ST7: variants seen among roughly 807,000 people sequenced by gnomAD.
ST7 encodes the protein suppressor of tumorigenicity 7 protein.
ST7 carries 28 observed loss-of-function variants against 78.7 expected under a neutral mutation model. That is an observed-to-expected ratio of 0.36 (90% CI 0.26 to 0.49). The LOEUF (loss-of-function observed/expected upper bound fraction) is 0.49. ST7 is among the 20% of genes least tolerant of loss of function. ST7 has a pLI of 0.99. For missense variants in ST7, 418 were observed against 696.0 expected (o/e 0.60, Z 4.49); for synonymous variants, 247 against 249.6 (o/e 0.99, Z 0.10).
At chr7:117,206,832 A>C (rs1791801578) in intron 12 of ST7, among the ~76,000 whole-genome samples, 1 of 152,132 alleles carries the variant, frequency 6.6e-6, no homozygotes, top group Non-Finnish European at 1.5e-5. Context: ...AAAGATGAAA[A>C]ACCATTGTCC....
chr7:116,984,375 G>A (rs1022057083), intron 1 of ST7, among the ~76,000 whole-genome samples: 1 of 152,182 alleles, frequency 6.6e-6, no homozygotes, highest in Admixed American at 6.5e-5. Flanking sequence ...TTTCTTTTAA[G>A]ATGGCAGCAG....
intron 1 of ST7, among the ~76,000 whole-genome samples, chr7:117,001,560 A>G (rs1794933633): frequency 6.6e-6 from 1 of 152,222 alleles, no homozygotes; most frequent in Non-Finnish European, 1.5e-5. Context: ...TTCAGAAGCA[A>G]TCACTGCAGG....
chr7:116,999,506 A>G lies in ST7; in HGVS notation c.151+45815A>G, dbSNP rs181430686. ...AACAGCTCTGAATTTGGGAGGAGCA[A>G]ATAGACATCATACCTCTGTGGCCCT... On this transcript the variant is annotated intron_variant, in intron 1 of 15. Transcript: ENST00000323984. Among the ~76,000 whole-genome samples the G allele has an allele frequency of 5.8e-4, 88 of 152,310 alleles. 1 individual carries two copies. In the East Asian group the frequency reaches 9.5e-3, roughly 16 times the overall value.
intron 1 of ST7, among the ~76,000 whole-genome samples, chr7:116,990,302 T>C (rs1408216129): frequency 1.3e-5 from 2 of 152,142 alleles, no homozygotes; most frequent in Non-Finnish European, 2.9e-5. Flanking sequence ...GAGTAATTTC[T>C]CCTTCAGCTT....
In ST7 at chr7:117,219,264, C is replaced by T; in HGVS notation, c.1498+88C>T. On this transcript the variant is annotated intron_variant, in intron 14 of 15. Coordinates refer to ENST00000323984, the MANE Select transcript of ST7 (RefSeq NM_001369598.1). The surrounding 1 kb of genome is among the most constrained non-coding windows in gnomAD (Gnocchi z 5.1). ...GGGAATATCAAAGTTTAGAATGCTC[C>T]TTGTCTTTTATTACTTTTCTCCAAA... 4.7e-6 allele frequency: 5 copies of T among 1,062,442 alleles called. No homozygotes were observed. In the South Asian group the frequency reaches 6.0e-5, roughly 13 times the overall value. The allele number at this position is 1,062,442 out of a possible 1,614,324, so 65.8% of individuals were successfully genotyped here. A position where few individuals can be genotyped will look rare whatever the true frequency, so the allele number is the denominator to read the frequency against.
intron 1 of ST7, among the ~76,000 whole-genome samples, chr7:116,986,554 A>G (rs1392854475): frequency 6.6e-6 from 1 of 152,120 alleles, no homozygotes; most frequent in Admixed American, 6.5e-5. Context: ...TTTTTCTTTT[A>G]TTATTTAAAA....
intron 3 of ST7, among the ~76,000 whole-genome samples, chr7:117,127,578 T>C (rs1340770716): frequency 2.0e-5 from 3 of 151,958 alleles, no homozygotes; most frequent in Non-Finnish European, 4.4e-5. Context: ...CTTCATTACA[T>C]GTTTTATTCT....
rs374544939 is a variant in ST7, at chr7:117,196,465, G to A, written c.1254+5529G>A. Reference sequence around the variant, plus strand: ...TTGTTGAGAGTGGCCATCCTAACACGTCAGGTAAAATTTTTTTGCGGTTTT... The same window carrying A: ...TTGTTGAGAGTGGCCATCCTAACACATCAGGTAAAATTTTTTTGCGGTTTT... On this transcript the variant is annotated intron_variant, in intron 12 of 15. Coordinates refer to ENST00000323984, the MANE Select transcript of ST7 (RefSeq NM_001369598.1). 2.0e-4 allele frequency among the ~76,000 whole-genome samples: 31 copies of A among 152,162 alleles called. No individual in the cohort carries two copies. The East Asian group carries it at 3.7e-3, about 18-fold the overall frequency.
intron 1 of ST7, chr7:117,014,758 A>G (rs1795528980): frequency 3.0e-6 from 1 of 335,610 alleles, no homozygotes; most frequent in Non-Finnish European, 5.4e-6. Flanking sequence ...TACAGGAGGG[A>G]AATGGGAGTA....
chr7:117,162,817 T>C (rs1223383791), intron 9 of ST7, among the ~76,000 whole-genome samples: 2 of 152,200 alleles, frequency 1.3e-5, no homozygotes, highest in Non-Finnish European at 2.9e-5. Flanking sequence ...TCTGTTTTTG[T>C]AATTAAAGTT....
At chr7:117,014,542 A>AAATG (rs1344395008) in intron 1 of ST7, among the ~76,000 whole-genome samples, 1 of 152,218 alleles carries the variant, frequency 6.6e-6, no homozygotes, top group African/African-American at 2.4e-5. Flanking sequence ...ATGTACTATC[A>AAATG]AATGAATGAA....
chr7:117,129,760 C>A, intron 3 of ST7, 33 bp from the exon 4 acceptor site: 1 of 1,568,286 alleles, frequency 6.4e-7, no homozygotes. Context: ...ACTGAACTTA[C>A]GCGTAACATT....
intron 12 of ST7, among the ~76,000 whole-genome samples, chr7:117,203,914 T>G (rs1439667859): frequency 1.3e-5 from 2 of 152,152 alleles, no homozygotes; most frequent in African/African-American, 4.8e-5. Flanking sequence ...ATCTGTACAC[T>G]TGAGATACAC....
At chr7:116,974,318 C>G (rs1391022881) in intron 1 of ST7, among the ~76,000 whole-genome samples, 1 of 150,918 alleles carries the variant, frequency 6.6e-6, no homozygotes, top group Non-Finnish European at 1.5e-5. Flanking sequence ...GACAGAGCCT[C>G]ACTGTGTCGC....
intron 1 of ST7, among the ~76,000 whole-genome samples, chr7:116,978,343 T>C (rs1793797510): frequency 6.6e-6 from 1 of 152,206 alleles, no homozygotes; most frequent in African/African-American, 2.4e-5. Flanking sequence ...TTGGAGAGGA[T>C]GTATTCTACT....
chr7:116,991,468 G>T (rs1342344659), intron 1 of ST7, among the ~76,000 whole-genome samples: 1 of 152,136 alleles, frequency 6.6e-6, no homozygotes, highest in African/African-American at 2.4e-5. Flanking sequence ...AAATGAGGAA[G>T]ATGCAAAAGC....
At chr7:117,080,557 C>T (rs910146408) in intron 1 of ST7, among the ~76,000 whole-genome samples, 8 of 151,962 alleles carry the variant, frequency 5.3e-5, no homozygotes, top group Admixed American at 2.0e-4. Context: ...AATATTTTTA[C>T]ATGCCTATTA....
chr7:117,174,477 C>T (rs1057406347), intron 10 of ST7, among the ~76,000 whole-genome samples: 9 of 152,024 alleles, frequency 5.9e-5, no homozygotes, highest in Admixed American at 5.2e-4. Context: ...CAAAGTAAAG[C>T]CATGTAGATG....
Position 117,020,658 on chromosome 7 carries a change from A to G in ST7, c.151+66967A>G, listed in dbSNP as rs202179181. 5.8e-6 allele frequency: 9 copies of G among 1,550,464 alleles called. No homozygotes were observed. In the African/African-American group the frequency reaches 8.2e-5, roughly 14 times the overall value. ...AGTAAATGGATCCCACTTCTCTGCT[A>G]TTTAGAAATCTGCTTGCTGTCATGG... On this transcript the variant is annotated intron_variant, in intron 1 of 15. Coordinates refer to ENST00000323984, the MANE Select transcript of ST7 (RefSeq NM_001369598.1).
Sources: allele counts gnomAD v4.1 joint callset (sites outside exome capture counted in the v4.1 genomes callset), GRCh38; gene constraint gnomAD v4.1.1; non-coding constraint Gnocchi (gnomAD v3.1); transcripts MANE v1.5; gene names NCBI Gene and HGNC (gene_info 2026-07-23, HGNC 2026-07-21).